Variants in HIRA observed in about 807,000 individuals in gnomAD.
HIRA encodes the protein histone cell cycle regulator, also known as protein HIRA.
A neutral mutation model predicts 126.6 loss-of-function variants in HIRA; 13 were observed. That is an observed-to-expected ratio of 0.10 (90% CI 0.07 to 0.16). The LOEUF is 0.16. Among genes scored for constraint, HIRA ranks in the 10% least tolerant of loss-of-function variants. The pLI is 1.00. For synonymous variants in HIRA, 511 were observed against 520.0 expected, an observed-to-expected ratio of 0.98 and a Z score of 0.24; for missense variants, 834 against 1,314.4, an observed-to-expected ratio of 0.63 and a Z score of 5.65.
intron 9 of HIRA, 145 bp downstream of exon 9, chr22:19,391,956 G>A (rs969780135): frequency 1.0e-5 from 5 of 480,538 alleles, no homozygotes; most frequent in African/African-American, 7.8e-5. Flanking sequence ...AGGAGAGCCT[G>A]TGAGCTTCCA....
In HIRA at chr22:19,385,514, C is replaced by T; in HGVS notation, c.1329+7G>A. ...ATGTCTTTAGCGCCACCAGGCAGGG[C>T]TCTCACCTTCCTGATATCTTCAAGA... On this transcript the variant is annotated splice_region_variant and intron_variant, in intron 12 of 24. Transcript: ENST00000263208. 3.8e-6 allele frequency: 6 copies of T among 1,598,116 alleles called. 1 individual carries two copies. In the East Asian group the frequency reaches 1.1e-4, roughly 30 times the overall value.
chr22:19,361,394 T>G (rs1422802691), intron 16 of HIRA, 53 bp from the exon 17 acceptor site: 13 of 1,502,554 alleles, frequency 8.7e-6, no homozygotes, highest in Non-Finnish European at 1.1e-5. Flanking sequence ...CGGGGTAGCA[T>G]TTGGTAAAGG....
rs1370176913 is a variant in HIRA, at chr22:19,331,521, T to C, written c.2973A>G (p.Leu991=). Reference sequence around the variant, plus strand: ...ATCGGAGGTTCTGCCCGATGACTGGTAGCAGCTCCTTCAGCAGCTCCCTCT... The same window carrying C: ...ATCGGAGGTTCTGCCCGATGACTGGCAGCAGCTCCTTCAGCAGCTCCCTCT... ...LRKRELLKEL[L]PVIGQNLRFQ... The change falls in exon 25 of 25, where the codon CTA becomes CTG. Residue 991 remains leucine, a synonymous_variant. Coordinates refer to ENST00000263208, the MANE Select transcript of HIRA (RefSeq NM_003325.4). 5 of 1,611,096 alleles carry C rather than the reference T, an allele frequency of 3.1e-6. No homozygotes were observed. In the African/African-American group the frequency reaches 4.0e-5, roughly 13 times the overall value.
At chr22:19,377,137 C>T (rs2089026820) in intron 14 of HIRA, among the ~76,000 whole-genome samples, 1 of 152,158 alleles carries the variant, frequency 6.6e-6, no homozygotes, top group African/African-American at 2.4e-5. Context: ...GAGGCACCTC[C>T]CTGATCCCTG....
chr22:19,368,189 A>G (rs914197017), intron 15 of HIRA, among the ~76,000 whole-genome samples: 7 of 152,136 alleles, frequency 4.6e-5, no homozygotes, highest in African/African-American at 1.7e-4. Flanking sequence ...TTTCCCTGCT[A>G]GTCACCTGGG....
chr22:19,430,807 A>G (rs543011911), intron 1 of HIRA, among the ~76,000 whole-genome samples: 2 of 152,188 alleles, frequency 1.3e-5, no homozygotes, highest in African/African-American at 4.8e-5. Flanking sequence ...TGTGCTTTGG[A>G]GCCACTGCCA....
chr22:19,374,039 T>C (rs1357968326), intron 15 of HIRA, among the ~76,000 whole-genome samples: 3 of 151,784 alleles, frequency 2.0e-5, no homozygotes, highest in African/African-American at 7.2e-5. Flanking sequence ...TCAAAGTATT[T>C]AGAAGCATGG....
At chr22:19,356,457 A>G (rs2088812971) in intron 19 of HIRA, among the ~76,000 whole-genome samples, 169 bp from the exon 20 acceptor site, 1 of 151,730 alleles carries the variant, frequency 6.6e-6, no homozygotes, top group South Asian at 2.1e-4. Context: ...GTGCCACTAC[A>G]CTCCCTCTGC....
chr22:19,403,727 T>C (rs2089287600), intron 5 of HIRA, among the ~76,000 whole-genome samples: 1 of 152,224 alleles, frequency 6.6e-6, no homozygotes, highest in Admixed American at 6.5e-5. Context: ...ACATTATTTT[T>C]CTTAGGTTTT....
chr22:19,361,931 C>A lies in HIRA; in HGVS notation c.1776G>T (p.Arg592Ser). The change falls in exon 16 of 25, where the codon AGG becomes AGT. Residue 592 changes from arginine to serine, a missense_variant and splice_region_variant. Transcript: ENST00000263208. Reference sequence around the variant, plus strand: ...CTTTCACAAGGTTCTGCTCTTTTAACCTGCACAAAAACATTACATCACACT... The same window carrying A: ...CTTTCACAAGGTTCTGCTCTTTTAAACTGCACAAAAACATTACATCACACT... ...LTSMTPTAVE[R>S]LKEQNLVKEL... The A allele has an allele frequency of 6.2e-7, 1 of 1,613,968 alleles. No individual in the cohort carries two copies. Among genetic ancestry groups the A allele is most frequent in the Non-Finnish European group, 8.5e-7 (1 of 1,179,874 alleles).
chr22:19,357,687 G>C (rs1448205412), intron 18 of HIRA, among the ~76,000 whole-genome samples: 1 of 152,178 alleles, frequency 6.6e-6, no homozygotes, highest in Non-Finnish European at 1.5e-5. Flanking sequence ...CCCAGGGTGA[G>C]GCTGGAGCTC....
At chr22:19,376,055 C>T (rs1425207214) in intron 14 of HIRA, among the ~76,000 whole-genome samples, 1 of 152,130 alleles carries the variant, frequency 6.6e-6, no homozygotes, top group African/African-American at 2.4e-5. Context: ...TAGAATGAGG[C>T]CTAGAACATG....
chr22:19,376,536 G>A (rs968779551), intron 14 of HIRA, among the ~76,000 whole-genome samples: 4 of 152,156 alleles, frequency 2.6e-5, no homozygotes, highest in African/African-American at 4.8e-5. Flanking sequence ...TCTCCTCCAT[G>A]ATCTGTGGCC....
chr22:19,371,849 C>T (rs1380768524), intron 15 of HIRA, among the ~76,000 whole-genome samples: 2 of 152,038 alleles, frequency 1.3e-5, no homozygotes, highest in Non-Finnish European at 2.9e-5. Flanking sequence ...ATGGGTAAAC[C>T]ATATTTTGTT....
intron 5 of HIRA, chr22:19,399,105 G>A: frequency 1.0e-6 from 1 of 985,054 alleles, no homozygotes; most frequent in African/African-American, 1.7e-5. Context: ...GGTCCGCTGT[G>A]ACGATGGTGC....
At chr22:19,382,565 G>A (rs1288953775) in intron 13 of HIRA, among the ~76,000 whole-genome samples, 1 of 152,160 alleles carries the variant, frequency 6.6e-6, no homozygotes, top group Non-Finnish European at 1.5e-5. Flanking sequence ...TACACTGTAC[G>A]AGTGAAGGTT....
intron 15 of HIRA, among the ~76,000 whole-genome samples, chr22:19,366,472 T>C (rs1317459155): frequency 6.6e-6 from 1 of 152,230 alleles, no homozygotes; most frequent in Admixed American, 6.5e-5. Flanking sequence ...CATCAGTGAT[T>C]CATGGGATGT....
intron 1 of HIRA, among the ~76,000 whole-genome samples, chr22:19,422,544 C>CA (rs1320868617): frequency 1.3e-5 from 2 of 152,264 alleles, no homozygotes; most frequent in African/African-American, 4.8e-5. Flanking sequence ...TAGGCTCTCC[C>CA]AATCAGTCTG....
chr22:19,352,577 G>GT (rs1235830294), intron 23 of HIRA, among the ~76,000 whole-genome samples: 2 of 152,152 alleles, frequency 1.3e-5, no homozygotes, highest in Non-Finnish European at 2.9e-5. Flanking sequence ...ACATACACTC[G>GT]TATTTACACA....
Sources: gnomAD v4.1 joint callset for allele counts (sites outside exome capture counted in the v4.1 genomes callset) on GRCh38, gnomAD v4.1.1 for gene constraint, MANE v1.5 for transcripts, NCBI Gene and HGNC (gene_info 2026-07-23, HGNC 2026-07-21) for gene names.